Variants in OTUD7A observed in about 807,000 individuals in gnomAD.
OTUD7A encodes the protein OTU deubiquitinase 7A, also known as OTU domain-containing protein 7A.
In OTUD7A, 12 loss-of-function variants were observed where a neutral mutation model predicts 65.7. The observed-to-expected ratio is 0.18, with a 90% confidence interval of 0.12 to 0.30. The LOEUF (loss-of-function observed/expected upper bound fraction) is 0.30, where lower values mean the gene tolerates loss of function less well. OTUD7A is among the 10% of genes least tolerant of loss of function. The pLI is 1.00. For missense variants in OTUD7A, 1,148 were observed against 1,304.8 expected, an observed-to-expected ratio of 0.88 and a Z score of 1.85; for synonymous variants, 641 against 586.3, an observed-to-expected ratio of 1.09 and a Z score of -1.35.
At chr15:31,638,562 GT>G (rs71422902) in intron 3 of OTUD7A, among the ~76,000 whole-genome samples, 24,509 of 138,306 alleles carry the variant, frequency 0.18, 2,241 homozygotes, top group East Asian at 0.25. Flanking sequence ...GTAGGTTTTT[GT>G]TTTTTTTTTT....
intron 1 of OTUD7A, among the ~76,000 whole-genome samples, chr15:31,826,204 C>T (rs1034581066): frequency 1.3e-5 from 2 of 152,262 alleles, no homozygotes; most frequent in Admixed American, 6.5e-5. Context: ...AGAAGTTCTC[C>T]ATGACAGCCC....
chr15:31,617,270 C>G (rs1017136078), intron 3 of OTUD7A, among the ~76,000 whole-genome samples: 6 of 152,072 alleles, frequency 3.9e-5, no homozygotes, highest in African/African-American at 1.4e-4. Context: ...GGATGGATCA[C>G]GAGGTCAAGA....
chr15:31,584,490 T>G (rs1181502660), intron 3 of OTUD7A, among the ~76,000 whole-genome samples: 1 of 152,212 alleles, frequency 6.6e-6, no homozygotes, highest in African/African-American at 2.4e-5. Context: ...AGCTTCTCCT[T>G]GTCTGAAGAC....
chr15:31,767,779 A>C (rs546265490), intron 1 of OTUD7A: 2 of 717,232 alleles, frequency 2.8e-6, no homozygotes, highest in South Asian at 3.2e-5. Context: ...CAGTTCTACG[A>C]GATAAGTTTT....
At chr15:31,621,675 G>T (rs1402850589) in intron 3 of OTUD7A, among the ~76,000 whole-genome samples, 1 of 151,924 alleles carries the variant, frequency 6.6e-6, no homozygotes, top group African/African-American at 2.4e-5. Flanking sequence ...ATGTGAGATG[G>T]ATTTCCTGAA....
At chr15:31,798,636 G>T (rs186896033) in intron 1 of OTUD7A, among the ~76,000 whole-genome samples, 1 of 152,182 alleles carries the variant, frequency 6.6e-6, no homozygotes, top group East Asian at 1.9e-4. Context: ...AGGATAACCA[G>T]GAGTCAACTT....
intron 3 of OTUD7A, among the ~76,000 whole-genome samples, chr15:31,612,641 T>C (rs548344474): frequency 6.6e-6 from 1 of 152,062 alleles, no homozygotes; most frequent in Non-Finnish European, 1.5e-5. Flanking sequence ...AAATAAATCA[T>C]AGATGACACA....
chr15:31,692,422 T>C (rs924156962), intron 1 of OTUD7A, among the ~76,000 whole-genome samples: 2 of 107,960 alleles, frequency 1.9e-5, no homozygotes, highest in African/African-American at 5.3e-5. Context: ...GATATCATCA[T>C]GTTAAGTGAA....
intron 1 of OTUD7A, among the ~76,000 whole-genome samples, chr15:31,680,384 A>C (rs920952120): frequency 6.6e-6 from 1 of 152,242 alleles, no homozygotes; most frequent in Non-Finnish European, 1.5e-5. Context: ...ATGTAAAAAA[A>C]GTTTGTCCAT....
At chr15:31,501,599 A>G (rs1007969023) in intron 10 of OTUD7A, 91 bp downstream of exon 10, 2 of 1,546,016 alleles carry the variant, frequency 1.3e-6, no homozygotes, top group Non-Finnish European at 1.8e-6. Flanking sequence ...GGGGGTCTCC[A>G]CAATCCACCT....
At chr15:31,760,624 A>G (rs548707497) in intron 1 of OTUD7A, among the ~76,000 whole-genome samples, 13 of 152,342 alleles carry the variant, frequency 8.5e-5, no homozygotes, top group Admixed American at 8.5e-4. Context: ...TAAGATGGCA[A>G]TACTCCTTAG....
intron 1 of OTUD7A, among the ~76,000 whole-genome samples, chr15:31,778,509 C>A (rs1378413973): frequency 2.0e-5 from 3 of 152,214 alleles, no homozygotes; most frequent in Non-Finnish European, 4.4e-5. Context: ...GAACTACATA[C>A]AATGCACACA....
chr15:31,531,432 C>T lies in OTUD7A; in HGVS notation c.551-624G>A, dbSNP rs183339005. 3.7e-3 allele frequency among the ~76,000 whole-genome samples: 540 copies of T among 145,138 alleles called. 2 individuals are homozygous for T. The highest frequency in any genetic ancestry group is 0.011 in the Middle Eastern group (3 of 280). ...ACTAGGGATCTTGAGACTTGAGGAA[C>T]GACATAATGGTGGGTTCCCTGGAGT... On this transcript the variant is annotated intron_variant, in intron 5 of 12. Coordinates refer to ENST00000307050, the MANE Select transcript of OTUD7A (RefSeq NM_001382637.1).
At chr15:31,566,327 A>G (rs925508280) in intron 4 of OTUD7A, among the ~76,000 whole-genome samples, 2 of 152,252 alleles carry the variant, frequency 1.3e-5, no homozygotes, top group African/African-American at 4.8e-5. Context: ...TTCTGAAAAG[A>G]AAGTCATAAG....
At chr15:31,781,559 T>C (rs936315748) in intron 1 of OTUD7A, among the ~76,000 whole-genome samples, 6 of 152,182 alleles carry the variant, frequency 3.9e-5, no homozygotes, top group African/African-American at 1.4e-4. Flanking sequence ...AATGTATACA[T>C]CTTCAAAGGT....
chr15:31,748,344 T>C (rs1894535314), intron 1 of OTUD7A, among the ~76,000 whole-genome samples: 1 of 151,744 alleles, frequency 6.6e-6, no homozygotes, highest in South Asian at 2.1e-4. Context: ...CACACACATA[T>C]AAATATATAT....
chr15:31,830,064 T>C (rs1413573660), intron 1 of OTUD7A, among the ~76,000 whole-genome samples: 1 of 152,188 alleles, frequency 6.6e-6, no homozygotes, highest in Non-Finnish European at 1.5e-5. Flanking sequence ...CTGGTGGCTG[T>C]ACAGTCTCAT....
chr15:31,556,146 T>C (rs1175402269), intron 5 of OTUD7A: 3 of 152,228 alleles, frequency 2.0e-5, no homozygotes, highest in Non-Finnish European at 2.9e-5. Flanking sequence ...TTGGCCACTT[T>C]TATTATTTTT....
intron 1 of OTUD7A, among the ~76,000 whole-genome samples, chr15:31,783,852 G>C (rs1895604254): frequency 1.3e-5 from 2 of 152,178 alleles, no homozygotes; most frequent in Non-Finnish European, 2.9e-5. Context: ...TCTTGAAAAT[G>C]AATGTAGTGA....
Sources: allele counts gnomAD v4.1 joint callset (sites outside exome capture counted in the v4.1 genomes callset), GRCh38; gene constraint gnomAD v4.1.1; transcripts MANE v1.5; gene names NCBI Gene and HGNC (gene_info 2026-07-23, HGNC 2026-07-21).